MDN1: variants seen among roughly 807,000 people sequenced by gnomAD.
MDN1 encodes midasin AAA ATPase 1.
Under a neutral mutation model 669.2 loss-of-function variants are expected in MDN1, and 266 were observed. The observed-to-expected ratio is 0.40, with a 90% CI of 0.36 to 0.44. The LOEUF (loss-of-function observed/expected upper bound fraction) is 0.44. Ranked by LOEUF, MDN1 falls within the 20% of genes least tolerant of loss-of-function variation. The pLI, the probability that MDN1 is intolerant of heterozygous loss-of-function variation, is 1.00. For synonymous variants in MDN1, 2,385 were observed against 2,457.1 expected, an observed-to-expected ratio of 0.97 and a Z score of 0.87; for missense variants, 5,940 against 6,754.0, an observed-to-expected ratio of 0.88 and a Z score of 4.22.
Position 89,745,411 on chromosome 6 carries a change from C to T in MDN1, c.4040G>A (p.Gly1347Asp). Residue 1347 changes from glycine (G) to aspartate (D), a missense_variant and splice_region_variant, in exon 29 of 102, where the codon GGT becomes GAT. By Grantham distance (94) the Gly-to-Asp change is moderately conservative. Around this residue, in one of 5 missense-constraint regions of MDN1, gnomAD observed 2,292 missense variants for 2,638.3 expected, o/e 0.87. Coordinates refer to ENST00000369393, the MANE Select transcript of MDN1 (RefSeq NM_014611.3). ...TGTGGATATCTGAGTAGACAATTTACCTATCCAAGGAAAAATAAATATTTA... is the reference window on the plus strand; with the variant it reads ...TGTGGATATCTGAGTAGACAATTTATCTATCCAAGGAAAAATAAATATTTA... ...FSKENVLKLL[G>D]KLSTQISTLE... 1.2e-6 allele frequency: 2 copies of T among 1,614,002 alleles called. No individual in the cohort carries two copies. The highest frequency in any genetic ancestry group is 1.7e-6 in the Non-Finnish European group (2 of 1,179,940).
chr6:89,781,513 T>C lies in MDN1; in HGVS notation c.1529A>G (p.Lys510Arg). The C allele has an allele frequency of 1.2e-6, 2 of 1,613,920 alleles. No homozygotes were observed. Among genetic ancestry groups the C allele is most frequent in the South Asian group, 2.2e-5 (2 of 91,060 alleles). ...LDIYIQLTGEKHHSWSDSSVG... is the reference protein window; with the variant it reads ...LDIYIQLTGERHHSWSDSSVG... ...AGAACTATCACTCCAAGAGTGATGT[T>C]TCTCTCCAGTAAGTTGGATATAAAT... is the stretch of plus-strand genomic sequence containing the variant. Residue 510 changes from lysine to arginine, a missense_variant, in exon 10 of 102, where the codon AAA becomes AGA. By Grantham distance (26) the Lys-to-Arg change is conservative. Transcript: ENST00000369393.
Position 89,725,330 on chromosome 6 carries a change from A to G in MDN1, c.5539T>C (p.Tyr1847His), listed in dbSNP as rs1404850204. The change falls in exon 38 of 102, where the codon TAT (tyrosine) becomes CAT (histidine). Residue 1847 changes from tyrosine to histidine, a missense_variant. Around this residue, in one of 5 missense-constraint regions of MDN1, gnomAD observed 2,292 missense variants for 2,638.3 expected, o/e 0.87. Coordinates refer to ENST00000369393, the MANE Select transcript of MDN1 (RefSeq NM_014611.3). Reference sequence around the variant, plus strand: ...AAGCTCATTCCTAACTCAGGCACATAGATTTCTCCTCGGTGGTCAAAACAA... The same window carrying G: ...AAGCTCATTCCTAACTCAGGCACATGGATTTCTCCTCGGTGGTCAAAACAA... ...NACFDHRGEIYVPELGMSFQV... is the reference protein window; with the variant it reads ...NACFDHRGEIHVPELGMSFQV... 4 of 1,613,950 alleles carry G rather than the reference A, an allele frequency of 2.5e-6. No individual in the cohort carries two copies. The highest frequency in any genetic ancestry group is 1.7e-5 in the Admixed American group (1 of 59,990).
intron 5 of MDN1, among the ~76,000 whole-genome samples, chr6:89,793,222 C>T (rs180717038): frequency 2.7e-3 from 418 of 152,290 alleles, no homozygotes; most frequent in Non-Finnish European, 4.7e-3. Context: ...ATCTCTAGAC[C>T]TAGGCCTGTC....
chr6:89,648,437 G>T, intron 97 of MDN1, 108 bp from the exon 98 acceptor site: 1 of 1,000,104 alleles, frequency 1.0e-6, no homozygotes, highest in African/African-American at 1.6e-5. Context: ...TTTTTGTTTG[G>T]CAAGTAGAGG....
chr6:89,682,861 C>T (rs555821891), intron 73 of MDN1, among the ~76,000 whole-genome samples: 220 of 148,154 alleles, frequency 1.5e-3, no homozygotes, highest in African/African-American at 5.2e-3. Flanking sequence ...GTGGAAGGAT[C>T]ATTTGAGTCC....
intron 1 of MDN1, chr6:89,814,867 G>T: frequency 2.0e-6 from 1 of 495,612 alleles, no homozygotes; most frequent in South Asian, 1.5e-5. Context: ...TCAACCTCCG[G>T]ACAGGTACCT....
rs536036021 is a variant in MDN1, at chr6:89,661,988, G to C, written c.14565+99C>G. Reference sequence around the variant, plus strand: ...ATGAGGTAATGGGAGAGCAGTCGACGAACAGGGGAAAAAATATCTTGAGAC... The same window carrying C: ...ATGAGGTAATGGGAGAGCAGTCGACCAACAGGGGAAAAAATATCTTGAGAC... On this transcript the variant is annotated intron_variant, in intron 87 of 101. Transcript: ENST00000369393. 7 of 1,409,504 alleles carry C rather than the reference G, an allele frequency of 5.0e-6. 1 individual carries two copies. The highest frequency in any genetic ancestry group is 3.7e-4 in the Middle Eastern group (2 of 5,444). 87.3% of individuals were successfully genotyped at this position (1,409,504 alleles called of 1,614,324 possible). A position where few individuals can be genotyped will look rare whatever the true frequency, so the allele number is the denominator to read the frequency against.
chr6:89,760,645 T>C (rs1014033459), intron 17 of MDN1, among the ~76,000 whole-genome samples: 1 of 152,072 alleles, frequency 6.6e-6, no homozygotes, highest in Non-Finnish European at 1.5e-5. Flanking sequence ...TGGAATCCTA[T>C]GGAATCTTAT....
At chr6:89,729,182 T>G (rs936051103) in intron 35 of MDN1, 43 bp from the exon 36 acceptor site, 1 of 1,499,458 alleles carries the variant, frequency 6.7e-7, no homozygotes, top group Non-Finnish European at 9.1e-7. Flanking sequence ...CGGGACATCA[T>G]CAAATCACAT....
chr6:89,691,711 T>C (rs550470440), intron 63 of MDN1, among the ~76,000 whole-genome samples: 1 of 152,296 alleles, frequency 6.6e-6, no homozygotes, highest in African/African-American at 2.4e-5. Context: ...TCACTATACA[T>C]GAAGTTTTTA....
chr6:89,743,544 A>G (rs2273246), intron 30 of MDN1, 32 bp downstream of exon 30: 273,660 of 1,600,492 alleles, frequency 0.17, 25,124 homozygotes, highest in South Asian at 0.29. Flanking sequence ...GCAGTTTTTT[A>G]AAATAACAGG....
At chr6:89,752,472 G>A (rs571662153) in intron 22 of MDN1, among the ~76,000 whole-genome samples, 1 of 152,126 alleles carries the variant, frequency 6.6e-6, no homozygotes, top group Non-Finnish European at 1.5e-5. Context: ...AGTCCCAAGG[G>A]CTCTCTCTTC....
Position 89,684,950 on chromosome 6 carries a change from A to C in MDN1, c.11755T>G (p.Tyr3919Asp), listed in dbSNP as rs761972540. The C allele has an allele frequency of 6.2e-7, 1 of 1,613,668 alleles. No homozygotes were observed. ...LCSVLWNLYH[Y>D]YKQFFDRVQA... ...ACCCGGTCAAAGAATTGCTTGTAAT[A>C]ATGGTACAAATTCCATAGAACACTG... Residue 3919 changes from tyrosine (Y) to aspartate (D), a missense_variant, in exon 71 of 102, where the codon TAT (tyrosine) becomes GAT (aspartate). Transcript: ENST00000369393.
In MDN1 at chr6:89,716,666, T is replaced by C. The variant is rs116453368; in HGVS notation, c.6727A>G (p.Asn2243Asp). Reference sequence around the variant, plus strand: ...GGTTCTTACTTGCAGAAGTTAACATTGTCCATCAGAAGCCAGTCTCCAGAC... The same window carrying C: ...GGTTCTTACTTGCAGAAGTTAACATCGTCCATCAGAAGCCAGTCTCCAGAC... ...LKSGDWLLMD[N>D]VNFCNPSVLD... is the part of the protein sequence containing the mutation. Residue 2243 changes from asparagine (N) to aspartate (D), a missense_variant, in exon 44 of 102, where the codon AAT becomes GAT. Transcript: ENST00000369393. 28 of 1,612,074 alleles carry C rather than the reference T, an allele frequency of 1.7e-5. No homozygotes were observed. In the East Asian group the frequency reaches 6.3e-4, roughly 36 times the overall value.
rs563149430 is a variant in MDN1 at position 89,699,704 on chromosome 6, T to C, written c.8894A>G (p.Gln2965Arg). ...LRRCSKNQQP[Q>R]INEEISHLIS... ...GAGGTGACTTATCTCCTCATTTATC[T>C]GGGGTTGTTGATTTTTGCTGCATCT... Residue 2965 changes from glutamine (Q) to arginine (R), a missense_variant, in exon 58 of 102, where the codon CAG (glutamine) becomes CGG (arginine). Around this residue, in one of 5 missense-constraint regions of MDN1, gnomAD observed 2,292 missense variants for 2,638.3 expected, o/e 0.87. Coordinates refer to ENST00000369393, the MANE Select transcript of MDN1 (RefSeq NM_014611.3). The C allele has an allele frequency of 1.7e-5, 28 of 1,613,940 alleles. No individual in the cohort carries two copies. The South Asian group carries it at 3.0e-4, about 17-fold the overall frequency.
chr6:89,803,895 C>CTTTTTTTTTT (rs56246331), intron 1 of MDN1, among the ~76,000 whole-genome samples: 15 of 76,376 alleles, frequency 2.0e-4, no homozygotes, highest in Admixed American at 1.0e-3. Flanking sequence ...CTTTTCTTTT[C>CTTTTTTTTTT]TTTTTTTTTT....
intron 91 of MDN1, 129 bp downstream of exon 91, chr6:89,656,571 A>AT: frequency 1.3e-6 from 1 of 751,832 alleles, no homozygotes; most frequent in East Asian, 2.5e-5. Context: ...GGCTGCTATC[A>AT]TATCTGATGC....
intron 68 of MDN1, 123 bp from the exon 69 acceptor site, chr6:89,687,146 G>T: frequency 7.1e-7 from 1 of 1,405,458 alleles, no homozygotes; most frequent in Non-Finnish European, 9.7e-7. Context: ...GAGCCACCCA[G>T]TTTCCTCCCT....
At chr6:89,715,831 C>G in intron 44 of MDN1, 62 bp from the exon 45 acceptor site, 1 of 1,070,430 alleles carries the variant, frequency 9.3e-7, no homozygotes, top group East Asian at 2.4e-5. Flanking sequence ...TTCTTTCCTT[C>G]CATGCACGGG....
Sources: allele counts gnomAD v4.1 joint callset (sites outside exome capture counted in the v4.1 genomes callset), GRCh38; gene constraint gnomAD v4.1.1; regional missense constraint gnomAD v4.1.1; transcripts MANE v1.5; gene names NCBI Gene and HGNC (gene_info 2026-07-23, HGNC 2026-07-21).